Variants in SCNN1B observed in about 807,000 individuals in gnomAD.
The protein encoded by SCNN1B is sodium channel epithelial 1 subunit beta.
In SCNN1B, 46 loss-of-function variants were observed where a neutral mutation model predicts 65.3. The ratio of observed to expected loss-of-function variants is 0.70; its 90% CI spans 0.56 to 0.90. The LOEUF is 0.90. Among genes scored for constraint, SCNN1B ranks in the 40% least tolerant of loss-of-function variants. SCNN1B has a pLI of 0.00. For synonymous variants in SCNN1B, 349 were observed against 330.6 expected (o/e 1.06, Z -0.60); for missense variants, 751 against 830.5 (o/e 0.90, Z 1.18).
At chr16:23,298,395 G>T (rs533863084), upstream of SCNN1B, among the ~76,000 whole-genome samples, 1 of 152,282 alleles carries the variant, frequency 6.6e-6, no homozygotes, top group South Asian at 2.1e-4. Context: ...ACCCCATGAC[G>T]GCCAGAGCAG....
chr16:23,377,574 C>CCCTTCCTTCCTCCCTTCTCCCTT (rs149646061), intron 10 of SCNN1B, among the ~76,000 whole-genome samples, 188 bp downstream of exon 10: 1 of 125,062 alleles, frequency 8.0e-6, no homozygotes, highest in Admixed American at 8.1e-5. Context: ...CCTCTCTTTT[C>CCCTTCCTTCCTCCCTTCTCCCTT]CCTTCCTCCC....
At chr16:23,306,205 T>A (rs1302509106) in intron 1 of SCNN1B, among the ~76,000 whole-genome samples, 1 of 151,444 alleles carries the variant, frequency 6.6e-6, no homozygotes, top group Non-Finnish European at 1.5e-5. Flanking sequence ...ATTGCATCGT[T>A]GCACTCTAGC....
chr16:23,298,994 A>G (rs556127348), upstream of SCNN1B, among the ~76,000 whole-genome samples: 1 of 152,112 alleles, frequency 6.6e-6, no homozygotes, highest in South Asian at 2.1e-4. Flanking sequence ...CTTCAAAAAT[A>G]ACGTATTGGG....
intron 1 of SCNN1B, among the ~76,000 whole-genome samples, chr16:23,335,922 A>G (rs544499560): frequency 1.3e-5 from 2 of 152,122 alleles, no homozygotes; most frequent in African/African-American, 4.8e-5. Context: ...TCCATTAGTC[A>G]TGCTGTGTTT....
chr16:23,345,194 A>G (rs1962160802), intron 1 of SCNN1B, among the ~76,000 whole-genome samples: 1 of 152,134 alleles, frequency 6.6e-6, no homozygotes, highest in Admixed American at 6.5e-5. Context: ...ATACATCTGG[A>G]TATTCTGTGG....
At position 23,381,235 on chromosome 16, in the gene SCNN1B, G is replaced by A. The variant is rs1963046155; in HGVS notation, c.*434G>A. 9.4e-6 allele frequency: 2 copies of A among 213,168 alleles called. No homozygotes were observed. The highest frequency in any genetic ancestry group is 5.2e-5 in the Admixed American group (1 of 19,248). The allele number at this position is 213,168 out of a possible 1,614,324, so 13.2% of individuals were successfully genotyped here. On this transcript the variant is annotated 3_prime_UTR_variant, in exon 13 of 13. Coordinates refer to ENST00000343070, the MANE Select transcript of SCNN1B (RefSeq NM_000336.3). Reference sequence around the variant, plus strand: ...GTGGAGAGATGGAAGGGCATCAGGTGTAGGGACCCTGCCAAGTGGCACCTG... The same window carrying A: ...GTGGAGAGATGGAAGGGCATCAGGTATAGGGACCCTGCCAAGTGGCACCTG...
At chr16:23,310,668 C>T (rs1325219522) in intron 1 of SCNN1B, among the ~76,000 whole-genome samples, 1 of 152,232 alleles carries the variant, frequency 6.6e-6, no homozygotes, top group Non-Finnish European at 1.5e-5. Flanking sequence ...CACAGCGAGA[C>T]CCTGTCTCAG....
At chr16:23,306,462 G>A (rs1412969513) in intron 1 of SCNN1B, among the ~76,000 whole-genome samples, 4 of 152,076 alleles carry the variant, frequency 2.6e-5, no homozygotes, top group Non-Finnish European at 5.9e-5. Flanking sequence ...GGTGTTATCA[G>A]CACCTGCCTG....
chr16:23,356,290 A>T (rs1339877225), intron 4 of SCNN1B, among the ~76,000 whole-genome samples: 1 of 152,204 alleles, frequency 6.6e-6, no homozygotes, highest in Non-Finnish European at 1.5e-5. Flanking sequence ...TCATAGGGTC[A>T]TTGAGAAGAG....
chr16:23,379,435 G>T (rs1263181339), intron 11 of SCNN1B, among the ~76,000 whole-genome samples: 1 of 152,132 alleles, frequency 6.6e-6, no homozygotes, highest in South Asian at 2.1e-4. Flanking sequence ...AGAGATAAGG[G>T]AGGTCTGCGT....
chr16:23,295,935 A>G (rs114600353), intron 2 of SCNN1B, among the ~76,000 whole-genome samples: 1,709 of 152,282 alleles, frequency 0.011, 42 homozygotes, highest in African/African-American at 0.039. Context: ...GAGCGGGAAG[A>G]GAAAAATGGA....
intron 1 of SCNN1B, among the ~76,000 whole-genome samples, chr16:23,329,271 A>G (rs1318733918): frequency 6.0e-5 from 9 of 151,146 alleles, no homozygotes; most frequent in Admixed American, 1.3e-4. Context: ...GCCACCAAAC[A>G]TGGCTAATTT....
intron 2 of SCNN1B, among the ~76,000 whole-genome samples, chr16:23,349,331 T>G (rs1962259183): frequency 6.6e-6 from 1 of 152,050 alleles, no homozygotes; most frequent in African/African-American, 2.4e-5. Flanking sequence ...TAAATAATTT[T>G]TTTTAATTAG....
chr16:23,306,298 AT>A (rs1457509887), intron 1 of SCNN1B, among the ~76,000 whole-genome samples: 1 of 151,896 alleles, frequency 6.6e-6, no homozygotes, highest in Non-Finnish European at 1.5e-5. Context: ...TTGTGACTCC[AT>A]TTCCTTATGG....
intron 2 of SCNN1B, among the ~76,000 whole-genome samples, chr16:23,293,587 C>T (rs1376115931): frequency 1.3e-5 from 2 of 152,150 alleles, no homozygotes; most frequent in Admixed American, 6.6e-5. Context: ...GTGATGGTTA[C>T]ACAGCCTTGT....
upstream of SCNN1B, among the ~76,000 whole-genome samples, chr16:23,298,934 T>C (rs2141973990): frequency 6.6e-6 from 1 of 152,122 alleles, no homozygotes; most frequent in Admixed American, 6.5e-5. Flanking sequence ...ACAGCACAGT[T>C]CCACAGGGGA....
intron 8 of SCNN1B, 140 bp from the exon 9 acceptor site, chr16:23,377,025 G>A: frequency 1.3e-6 from 1 of 783,982 alleles, no homozygotes; most frequent in Non-Finnish European, 2.2e-6. Context: ...GTGGGGAGCG[G>A]TGATTTTTCA....
chr16:23,353,297 A>T (rs1311693299), intron 3 of SCNN1B: 4 of 593,730 alleles, frequency 6.7e-6, no homozygotes, highest in Non-Finnish European at 8.9e-6. Context: ...TAAGCAAAAC[A>T]GGCGATTCAT....
At chr16:23,355,634 TC>T in intron 4 of SCNN1B, 145 bp downstream of exon 4, 1 of 813,486 alleles carries the variant, frequency 1.2e-6, no homozygotes, top group Non-Finnish European at 2.0e-6. Context: ...TGCCTCGGTG[TC>T]TTTTAGGTCC....
Sources: gnomAD v4.1 joint callset for allele counts (sites outside exome capture counted in the v4.1 genomes callset) on GRCh38, gnomAD v4.1.1 for gene constraint, MANE v1.5 for transcripts, NCBI Gene and HGNC (gene_info 2026-07-23, HGNC 2026-07-21) for gene names.